NR5A2: variants seen among roughly 807,000 people sequenced by gnomAD.
NR5A2 encodes nuclear receptor subfamily 5 group A member 2.
NR5A2 carries 26 observed loss-of-function variants against 62.7 expected under a neutral mutation model. The ratio of observed to expected loss-of-function variants is 0.41; its 90% confidence interval spans 0.30 to 0.58. NR5A2 has a LOEUF of 0.58. Ranked by LOEUF, NR5A2 falls within the 20% of genes least tolerant of loss-of-function variation. NR5A2 has a pLI of 0.22. For synonymous variants in NR5A2, 246 were observed against 241.7 expected, an observed-to-expected ratio of 1.02 and a Z score of -0.16; for missense variants, 541 against 669.1, an observed-to-expected ratio of 0.81 and a Z score of 2.11.
Position 200,136,863 on chromosome 1 carries a change from C to T in NR5A2, c.1378+15908C>T, listed in dbSNP as rs141447006. 4.8e-3 allele frequency among the ~76,000 whole-genome samples: 728 copies of T among 152,300 alleles called. 11 individuals are homozygous for T. Among genetic ancestry groups the T allele is most frequent in the African/African-American group, 0.016 (674 of 41,550 alleles). On this transcript the variant is annotated intron_variant, in intron 7 of 7. Transcript: ENST00000367362. ...TCAGTCAGAGCTGCTTTCTATTGAT[C>T]GGTTTCAAGAAGTATCACAGCTTTT...
At chr1:200,101,148 A>G (rs947941683) in intron 5 of NR5A2, among the ~76,000 whole-genome samples, 1 of 152,212 alleles carries the variant, frequency 6.6e-6, no homozygotes, top group Non-Finnish European at 1.5e-5. Context: ...TTGATTCCAC[A>G]GAGTGTAATA....
intron 5 of NR5A2, among the ~76,000 whole-genome samples, chr1:200,068,030 A>T (rs534385592): frequency 1.3e-5 from 2 of 152,312 alleles, no homozygotes; most frequent in East Asian, 3.9e-4. Flanking sequence ...CGATGTTTGC[A>T]TCAGTGTCTT....
intron 5 of NR5A2, among the ~76,000 whole-genome samples, chr1:200,069,334 C>T (rs931638507): frequency 6.6e-6 from 1 of 151,640 alleles, no homozygotes; most frequent in Admixed American, 6.6e-5. Flanking sequence ...GATCTCAGCT[C>T]ACTGCAACCT....
rs1470987596 is a variant in NR5A2, at chr1:200,038,447, C to G, written c.65-1211C>G. ...TGAGCTCTTGGCTTGTGGCCCGCCT[C>G]TCATTGAGCTGACCCTCGGCCCCTT... On this transcript the variant is annotated intron_variant, in intron 1 of 7. Transcript: ENST00000367362. Among the ~76,000 whole-genome samples the G allele has an allele frequency of 4.8e-4, 73 of 152,332 alleles. 1 individual carries two copies. Among genetic ancestry groups the G allele is most frequent in the Non-Finnish European group, 1.5e-5 (1 of 68,032 alleles).
At chr1:200,096,091 A>C (rs1571466797) in intron 5 of NR5A2, among the ~76,000 whole-genome samples, 1 of 151,702 alleles carries the variant, frequency 6.6e-6, no homozygotes, top group African/African-American at 2.4e-5. Context: ...ATGCTGCTTT[A>C]TTTTGTTTGT....
At chr1:200,072,054 C>T (rs1312742024) in intron 5 of NR5A2, among the ~76,000 whole-genome samples, 1 of 152,064 alleles carries the variant, frequency 6.6e-6, no homozygotes, top group Non-Finnish European at 1.5e-5. Flanking sequence ...TTTGGTATGA[C>T]TATCTTCACA....
chr1:200,108,509 G>A (rs769476629), intron 5 of NR5A2, among the ~76,000 whole-genome samples: 3 of 152,118 alleles, frequency 2.0e-5, no homozygotes, highest in Non-Finnish European at 4.4e-5. Context: ...TTCTTAAGCT[G>A]GAATCCTTTT....
intron 6 of NR5A2, among the ~76,000 whole-genome samples, chr1:200,120,058 C>G (rs988742009): frequency 2.0e-5 from 3 of 152,044 alleles, no homozygotes; most frequent in Non-Finnish European, 4.4e-5. Context: ...CTGAGAATAG[C>G]AGTTTTATGT....
At chr1:200,067,826 G>C (rs192548665) in intron 5 of NR5A2, among the ~76,000 whole-genome samples, 8 of 152,336 alleles carry the variant, frequency 5.3e-5, no homozygotes, top group Admixed American at 5.2e-4. Flanking sequence ...GCAGACACCA[G>C]TGTGCAAATT....
At chr1:200,103,834 G>A (rs1472105864) in intron 5 of NR5A2, among the ~76,000 whole-genome samples, 1 of 152,180 alleles carries the variant, frequency 6.6e-6, no homozygotes, top group African/African-American at 2.4e-5. Flanking sequence ...ATTTGGAAGA[G>A]GTGATTGTCC....
chr1:200,076,217 C>T (rs1308170150), intron 5 of NR5A2, among the ~76,000 whole-genome samples: 2 of 152,150 alleles, frequency 1.3e-5, no homozygotes, highest in Non-Finnish European at 2.9e-5. Flanking sequence ...ATAAAGTTTT[C>T]CTGTGTTCCA....
At chr1:200,136,845 G>A (rs889578852) in intron 7 of NR5A2, among the ~76,000 whole-genome samples, 2 of 152,202 alleles carry the variant, frequency 1.3e-5, no homozygotes, top group African/African-American at 4.8e-5. Flanking sequence ...GTTTCAGTCA[G>A]AGCTGCTTTC....
intron 1 of NR5A2, among the ~76,000 whole-genome samples, chr1:200,034,514 T>G (rs1179220877): frequency 6.9e-6 from 1 of 144,414 alleles, no homozygotes. Context: ...ACTCTTTTTA[T>G]ACAAAGAGCC....
intron 7 of NR5A2, among the ~76,000 whole-genome samples, chr1:200,121,537 C>T (rs1220865647): frequency 2.6e-5 from 4 of 152,070 alleles, no homozygotes; most frequent in Admixed American, 2.0e-4. Context: ...CTAAGCAAGA[C>T]AGATTAGCTA....
intron 7 of NR5A2, among the ~76,000 whole-genome samples, chr1:200,158,920 T>C (rs552068323): frequency 1.1e-4 from 16 of 149,842 alleles, no homozygotes; most frequent in African/African-American, 3.7e-4. Flanking sequence ...TTTTTCCTAA[T>C]AGGGACAGGG....
At chr1:200,099,982 T>G (rs577904005) in intron 5 of NR5A2, among the ~76,000 whole-genome samples, 5 of 152,344 alleles carry the variant, frequency 3.3e-5, no homozygotes, top group African/African-American at 1.2e-4. Context: ...CATTATGCTA[T>G]TAGAAAAATG....
intron 5 of NR5A2, chr1:200,057,745 T>C: frequency 8.0e-6 from 2 of 249,720 alleles, no homozygotes; most frequent in South Asian, 3.7e-5. Context: ...CCTCCCAAAG[T>C]GCTGGGATTA....
chr1:200,094,975 T>C (rs1342737014), intron 5 of NR5A2, among the ~76,000 whole-genome samples: 1 of 152,120 alleles, frequency 6.6e-6, no homozygotes, highest in Non-Finnish European at 1.5e-5. Flanking sequence ...AGGAATATGT[T>C]AAACATAACA....
At position 200,039,872 on chromosome 1, in the gene NR5A2, CGCCCCGCGCGGGCGCGGGAGTA is replaced by C. The variant is rs747552356; in HGVS notation, c.202+85_202+106del. The stretch of plus-strand genomic sequence containing the variant: ...GCTCGCCCTGCAGGCTTCAGCCTCC[CGCCCCGCGCGGGCGCGGGAGTA>C]GCCCCGCTGGGCGCTCGCAGCCGCG... On this transcript the variant is annotated intron_variant, in intron 2 of 7. Transcript: ENST00000367362. The surrounding 1 kb of genome is among the most constrained non-coding windows in gnomAD (Gnocchi z 5.1). 2.7e-4 allele frequency: 398 copies of C among 1,468,964 alleles called. 1 individual carries two copies. The highest frequency in any genetic ancestry group is 3.4e-4 in the Non-Finnish European group (377 of 1,118,580). The allele number at this position is 1,468,964 out of a possible 1,614,324, so 91.0% of individuals were successfully genotyped here.
Sources: gnomAD v4.1 joint callset for allele counts (sites outside exome capture counted in the v4.1 genomes callset) on GRCh38, gnomAD v4.1.1 for gene constraint, Gnocchi (gnomAD v3.1) non-coding constraint, MANE v1.5 for transcripts, NCBI Gene and HGNC (gene_info 2026-07-23, HGNC 2026-07-21) for gene names.